The following STXBP5L variants were observed in gnomAD, a reference collection of about 807,000 sequenced individuals.
STXBP5L encodes the protein syntaxin binding protein 5L.
A neutral mutation model predicts 144.5 loss-of-function variants in STXBP5L; 65 were observed. That is an observed-to-expected ratio of 0.45 (90% CI 0.37 to 0.55). The LOEUF (loss-of-function observed/expected upper bound fraction) is 0.55. STXBP5L is among the 20% of genes least tolerant of loss of function. STXBP5L has a pLI of 0.00. For synonymous variants in STXBP5L, 505 were observed against 469.6 expected (o/e 1.08, Z -0.97); for missense variants, 1,298 against 1,405.5 (o/e 0.92, Z 1.22).
chr3:120,918,764 T>A (rs776302166), intron 2 of STXBP5L, among the ~76,000 whole-genome samples: 1 of 152,188 alleles, frequency 6.6e-6, no homozygotes, highest in Non-Finnish European at 1.5e-5. Flanking sequence ...CATGTTGCAT[T>A]TTCACTTGGC....
chr3:121,212,781 T>C (rs1360727075), intron 10 of STXBP5L, among the ~76,000 whole-genome samples: 1 of 152,116 alleles, frequency 6.6e-6, no homozygotes, highest in African/African-American at 2.4e-5. Context: ...GGGGATAGCA[T>C]TGAATCTATA....
chr3:121,157,469 T>A (rs773698071), intron 8 of STXBP5L, 35 bp from the exon 9 acceptor site: 4 of 1,539,874 alleles, frequency 2.6e-6, no homozygotes, highest in Non-Finnish European at 3.5e-6. Flanking sequence ...TCTACTTTTT[T>A]CCCCCTCTAC....
intron 15 of STXBP5L, among the ~76,000 whole-genome samples, chr3:121,254,374 T>A (rs2050138813): frequency 1.3e-5 from 2 of 152,176 alleles, no homozygotes; most frequent in South Asian, 4.1e-4. Context: ...AGTTACAGAT[T>A]CTTGGACTCC....
intron 18 of STXBP5L, among the ~76,000 whole-genome samples, chr3:121,273,789 A>T (rs1278920238): frequency 6.6e-6 from 1 of 151,422 alleles, no homozygotes; most frequent in East Asian, 1.9e-4. Flanking sequence ...AAGTTTTCAA[A>T]TTTTTTCTTT....
chr3:120,978,887 C>G (rs1238778200), intron 3 of STXBP5L, among the ~76,000 whole-genome samples: 3 of 152,166 alleles, frequency 2.0e-5, no homozygotes, highest in East Asian at 3.9e-4. Flanking sequence ...ATGCTGCTGT[C>G]TGATCGTTCC....
At chr3:121,395,882 C>T (rs1054273815) in intron 22 of STXBP5L, among the ~76,000 whole-genome samples, 2 of 152,220 alleles carry the variant, frequency 1.3e-5, no homozygotes, top group African/African-American at 2.4e-5. Context: ...TCCTCCTCAG[C>T]GTCAGTCTCG....
Position 121,193,323 on chromosome 3 carries a change from G to C in STXBP5L, c.878-12600G>C, listed in dbSNP as rs369403483. Among the ~76,000 whole-genome samples, 5 of 142,394 alleles carry C rather than the reference G, an allele frequency of 3.5e-5. 1 individual carries two copies. Among genetic ancestry groups the C allele is most frequent in the Non-Finnish European group, 7.6e-5 (5 of 65,388 alleles). 93.4% of individuals were successfully genotyped at this position (142,394 alleles called of 152,430 possible). ...CGATCATTAAAAAGTCAGGAAACAA[G>C]AGGTGCTGGAAAGGATGTGGAGAAA... On this transcript the variant is annotated intron_variant, in intron 9 of 26. Coordinates refer to ENST00000471454, the MANE Select transcript of STXBP5L (RefSeq NM_001308330.2).
At chr3:121,182,415 A>G (rs927765617) in intron 9 of STXBP5L, among the ~76,000 whole-genome samples, 7 of 152,216 alleles carry the variant, frequency 4.6e-5, no homozygotes, top group African/African-American at 1.7e-4. Context: ...CTGCTCTTGA[A>G]TTATCTTTGG....
At chr3:121,286,267 A>G (rs183620455) in intron 19 of STXBP5L, among the ~76,000 whole-genome samples, 24 of 152,324 alleles carry the variant, frequency 1.6e-4, no homozygotes, top group Non-Finnish European at 2.6e-4. Context: ...GGGGATGATA[A>G]GAGAACTATC....
intron 3 of STXBP5L, among the ~76,000 whole-genome samples, chr3:121,015,113 T>C (rs1945050946): frequency 6.6e-6 from 1 of 152,142 alleles, no homozygotes. Flanking sequence ...AATCCAATCC[T>C]AATCATGATC....
chr3:120,991,856 A>T (rs915973985), intron 3 of STXBP5L, among the ~76,000 whole-genome samples: 1 of 152,082 alleles, frequency 6.6e-6, no homozygotes, highest in Non-Finnish European at 1.5e-5. Context: ...GATATATGTA[A>T]TGTTAAATGA....
intron 9 of STXBP5L, among the ~76,000 whole-genome samples, chr3:121,190,269 A>ATG (rs2047588629): frequency 6.6e-6 from 1 of 152,160 alleles, no homozygotes; most frequent in Non-Finnish European, 1.5e-5. Flanking sequence ...CTTAGCGAGC[A>ATG]CGCTGCCTTC....
rs1938114998 is a variant in STXBP5L at position 120,957,061 on chromosome 3, C to G, written c.287+2024C>G. On this transcript the variant is annotated intron_variant, in intron 3 of 26. Transcript: ENST00000471454. ...TGTGGATATCCCATTTTCCCAGAAC[C>G]ATTTGTTGACAAGACTGTCTTATCC... 2.0e-5 allele frequency among the ~76,000 whole-genome samples: 3 copies of G among 151,952 alleles called. 1 individual carries two copies. The South Asian group carries it at 6.2e-4, about 31-fold the overall frequency.
chr3:121,356,799 G>A (rs1325426558), intron 20 of STXBP5L, among the ~76,000 whole-genome samples: 1 of 152,126 alleles, frequency 6.6e-6, no homozygotes, highest in Non-Finnish European at 1.5e-5. Flanking sequence ...GCAGACCAGA[G>A]CTGTTCCTAT....
rs534725305 is a variant in STXBP5L at position 121,240,559 on chromosome 3, C to T, written c.1400+52C>T. The T allele has an allele frequency of 1.1e-4, 165 of 1,530,604 alleles. 2 individuals carry two copies. In the Middle Eastern group the frequency reaches 1.4e-3, roughly 13 times the overall value. The allele number at this position is 1,530,604 out of a possible 1,614,324, so 94.8% of individuals were successfully genotyped here. On this transcript the variant is annotated intron_variant, in intron 14 of 26. Coordinates refer to ENST00000471454, the MANE Select transcript of STXBP5L (RefSeq NM_001308330.2). ...TAGTTCATCAACAAAAAGATGTTTA[C>T]TGAGTCTTGATACTTTTCCATAATT...
rs551274637 is a variant in STXBP5L, at chr3:121,341,576, G to A, written c.2176+23036G>A. ...AGAGATATCTGCACTCCCATATATTGCAGCACTATTCACAGTAGCCAAGAT... is the reference window on the plus strand; with the variant it reads ...AGAGATATCTGCACTCCCATATATTACAGCACTATTCACAGTAGCCAAGAT... On this transcript the variant is annotated intron_variant, in intron 20 of 26. Transcript: ENST00000471454. 6.6e-5 allele frequency among the ~76,000 whole-genome samples: 10 copies of A among 152,250 alleles called. No homozygotes were observed. In the South Asian group the frequency reaches 1.9e-3, roughly 28 times the overall value.
intron 19 of STXBP5L, among the ~76,000 whole-genome samples, chr3:121,309,360 TA>T (rs982083740): frequency 6.6e-6 from 1 of 151,960 alleles, no homozygotes; most frequent in Non-Finnish European, 1.5e-5. Flanking sequence ...TAATACCATT[TA>T]AAAAAATAGA....
chr3:121,388,667 TTGG>T (rs1170789617), intron 22 of STXBP5L, among the ~76,000 whole-genome samples: 3 of 152,240 alleles, frequency 2.0e-5, no homozygotes, highest in Admixed American at 2.0e-4. Flanking sequence ...TTTTTTGTCA[TTGG>T]TTCTGTTTAT....
intron 5 of STXBP5L, among the ~76,000 whole-genome samples, chr3:121,046,778 A>G (rs1183411873): frequency 6.6e-6 from 1 of 151,880 alleles, no homozygotes; most frequent in Non-Finnish European, 1.5e-5. Flanking sequence ...CTAGTGGTCT[A>G]TCATATTTCT....
Sources: gnomAD v4.1 joint callset for allele counts (sites outside exome capture counted in the v4.1 genomes callset) on GRCh38, gnomAD v4.1.1 for gene constraint, MANE v1.5 for transcripts, NCBI Gene and HGNC (gene_info 2026-07-23, HGNC 2026-07-21) for gene names.